TDRD5: variants seen among roughly 807,000 people sequenced by gnomAD.
TDRD5 encodes tudor domain-containing protein 5.
A neutral mutation model predicts 120.6 loss-of-function variants in TDRD5; 41 were observed. That is an observed-to-expected ratio of 0.34 (90% CI 0.26 to 0.44). TDRD5 has a LOEUF of 0.44. Ranked by LOEUF, TDRD5 falls within the 20% of genes least tolerant of loss-of-function variation. The pLI is 1.00. For missense variants in TDRD5, 1,006 were observed against 1,221.2 expected (o/e 0.82, Z 2.63); for synonymous variants, 430 against 433.7 (o/e 0.99, Z 0.11).
intron 3 of TDRD5, among the ~76,000 whole-genome samples, 189 bp from the exon 4 acceptor site, chr1:179,595,439 T>C (rs1675338225): frequency 6.6e-6 from 1 of 152,190 alleles, no homozygotes; most frequent in Non-Finnish European, 1.5e-5. Context: ...TGTCTTCCTC[T>C]ATGGATGACT....
chr1:179,685,701 ATCT>A (rs1680667205), intron 17 of TDRD5, among the ~76,000 whole-genome samples: 2 of 152,142 alleles, frequency 1.3e-5, no homozygotes, highest in Middle Eastern at 6.8e-3. Flanking sequence ...ATTTGCTTGT[ATCT>A]TCTTTTATTT....
intron 4 of TDRD5, among the ~76,000 whole-genome samples, chr1:179,601,005 A>G (rs1675675741): frequency 6.6e-6 from 1 of 152,048 alleles, no homozygotes; most frequent in Non-Finnish European, 1.5e-5. Context: ...ATTTATTGAG[A>G]CTCATATGGC....
At chr1:179,610,320 A>C (rs1196623775) in intron 4 of TDRD5, among the ~76,000 whole-genome samples, 1 of 152,192 alleles carries the variant, frequency 6.6e-6, no homozygotes, top group Non-Finnish European at 1.5e-5. Context: ...CCTGTGCCAA[A>C]GAAGCCTGAA....
At chr1:179,610,405 A>G (rs993759326) in intron 4 of TDRD5, among the ~76,000 whole-genome samples, 1 of 152,198 alleles carries the variant, frequency 6.6e-6, no homozygotes, top group Non-Finnish European at 1.5e-5. Flanking sequence ...TTTGAAATTC[A>G]GAAAGATTAT....
At chr1:179,686,252 AG>A (rs1310631174) in intron 17 of TDRD5, among the ~76,000 whole-genome samples, 2 of 152,196 alleles carry the variant, frequency 1.3e-5, no homozygotes, top group African/African-American at 2.4e-5. Context: ...TTTAGCATGA[AG>A]GGCTGTTGAA....
At chr1:179,646,853 G>T (rs1211282387) in intron 11 of TDRD5, among the ~76,000 whole-genome samples, 1 of 151,876 alleles carries the variant, frequency 6.6e-6, no homozygotes, top group Non-Finnish European at 1.5e-5. Context: ...ATCCACAATT[G>T]CTTCAAAGAG....
At chr1:179,650,487 A>G (rs1431172408) in intron 11 of TDRD5, among the ~76,000 whole-genome samples, 1 of 151,230 alleles carries the variant, frequency 6.6e-6, no homozygotes, top group Non-Finnish European at 1.5e-5. Context: ...TTTTCCCTTC[A>G]ATTTTGGCCT....
chr1:179,601,012 T>C (rs1279835497), intron 4 of TDRD5, among the ~76,000 whole-genome samples: 4 of 152,198 alleles, frequency 2.6e-5, no homozygotes, highest in Non-Finnish European at 5.9e-5. Flanking sequence ...GAGACTCATA[T>C]GGCTCAGAAT....
Position 179,690,820 on chromosome 1 carries a change from G to C in TDRD5, c.2985G>C (p.Gln995His). 6.2e-7 allele frequency: 1 copy of C among 1,614,226 alleles called. No individual in the cohort carries two copies. Among genetic ancestry groups the C allele is most frequent in the Non-Finnish European group, 8.5e-7 (1 of 1,180,026 alleles). The change falls in exon 18 of 18, where the codon CAG becomes CAC. Residue 995 changes from glutamine to histidine, a missense_variant. Physicochemically the swap from Gln to His is conservative, Grantham distance 24 (BLOSUM62 0). Coordinates refer to ENST00000444136, the MANE Select transcript of TDRD5 (RefSeq NM_001199085.3). ...CTTTGATTTTGTCTTATGAGTGCCA[G>C]ATTTCTCAGAAGCTCTACATTCCTC... ...QLSLILSYEC[Q>H]ISQKLYIPRS... is the part of the protein sequence containing the mutation.
chr1:179,634,408 T>C, intron 7 of TDRD5, 49 bp from the exon 8 acceptor site: 2 of 1,559,254 alleles, frequency 1.3e-6, no homozygotes, highest in Non-Finnish European at 1.7e-6. Context: ...GGCTGCTCTA[T>C]TGGCCATTTG....
chr1:179,621,611 T>A (rs1676847492), intron 6 of TDRD5, among the ~76,000 whole-genome samples: 1 of 152,170 alleles, frequency 6.6e-6, no homozygotes, highest in South Asian at 2.1e-4. Flanking sequence ...GGATAGAGAT[T>A]GACATTTATA....
At chr1:179,641,402 C>T (rs187594483) in intron 11 of TDRD5, among the ~76,000 whole-genome samples, 1,566 of 151,996 alleles carry the variant, frequency 0.01, 9 homozygotes, top group Non-Finnish European at 0.017. Flanking sequence ...TGGTGGTGGG[C>T]GCCTGTAATC....
At chr1:179,625,817 A>G (rs1033440278) in intron 6 of TDRD5, among the ~76,000 whole-genome samples, 2 of 152,208 alleles carry the variant, frequency 1.3e-5, no homozygotes, top group East Asian at 3.8e-4. Flanking sequence ...TATTCCACAT[A>G]TGTCCAACAA....
chr1:179,683,791 G>A (rs1680554277), intron 17 of TDRD5, among the ~76,000 whole-genome samples: 2 of 151,330 alleles, frequency 1.3e-5, no homozygotes, highest in African/African-American at 4.8e-5. Flanking sequence ...TGCTGAACAC[G>A]TTGCTTAGCT....
intron 6 of TDRD5, among the ~76,000 whole-genome samples, chr1:179,621,608 G>A (rs1280531497): frequency 6.6e-6 from 1 of 152,108 alleles, no homozygotes; most frequent in Non-Finnish European, 1.5e-5. Flanking sequence ...AATGGATAGA[G>A]ATTGACATTT....
chr1:179,658,032 A>G (rs1679100787), intron 14 of TDRD5, among the ~76,000 whole-genome samples: 1 of 152,090 alleles, frequency 6.6e-6, no homozygotes, highest in Non-Finnish European at 1.5e-5. Context: ...TCTGGTAACT[A>G]CTATTTCACT....
intron 3 of TDRD5, among the ~76,000 whole-genome samples, chr1:179,595,312 C>T (rs1406737881): frequency 6.6e-6 from 1 of 152,060 alleles, no homozygotes; most frequent in Non-Finnish European, 1.5e-5. Flanking sequence ...ACTTTTTTGT[C>T]TCCTAAATGG....
intron 14 of TDRD5, among the ~76,000 whole-genome samples, chr1:179,659,162 G>C (rs1184928250): frequency 6.6e-6 from 1 of 152,098 alleles, no homozygotes; most frequent in African/African-American, 2.4e-5. Context: ...GTCAACACAG[G>C]ATGTGGTCTA....
chr1:179,628,877 A>G (rs1677282909), intron 6 of TDRD5, among the ~76,000 whole-genome samples: 1 of 152,126 alleles, frequency 6.6e-6, no homozygotes, highest in South Asian at 2.1e-4. Context: ...AACTGGCAAT[A>G]ATGGTTACTT....
Sources: gnomAD v4.1 joint callset for allele counts (sites outside exome capture counted in the v4.1 genomes callset) on GRCh38, gnomAD v4.1.1 for gene constraint, MANE v1.5 for transcripts, NCBI Gene and HGNC (gene_info 2026-07-23, HGNC 2026-07-21) for gene names.